DPPA2: variants seen among roughly 807,000 people sequenced by gnomAD.
The protein encoded by DPPA2 is developmental pluripotency-associated protein 2.
In DPPA2, 26 loss-of-function variants were observed where a neutral mutation model predicts 36.2. The ratio of observed to expected loss-of-function variants is 0.72; its 90% CI spans 0.53 to 1.00. The LOEUF (loss-of-function observed/expected upper bound fraction) is 1.00, where lower values mean the gene tolerates loss of function less well. DPPA2 is among the 50% of genes least tolerant of loss of function. The pLI is 0.00. For synonymous variants in DPPA2, 113 were observed against 123.2 expected (o/e 0.92, Z 0.55); for missense variants, 361 against 365.1 (o/e 0.99, Z 0.09).
intron 8 of DPPA2, 102 bp from the exon 9 acceptor site, chr3:109,294,106 A>C (rs1707310710): frequency 6.6e-6 from 1 of 152,240 alleles, no homozygotes; most frequent in African/African-American, 2.4e-5. Context: ...CAAGAGGAAA[A>C]GAAATGGAAC....
chr3:109,295,990 T>C (rs1386584492), intron 8 of DPPA2, among the ~76,000 whole-genome samples: 1 of 151,758 alleles, frequency 6.6e-6, no homozygotes, highest in Admixed American at 6.6e-5. Flanking sequence ...AATAGAAACC[T>C]CCAAAACTGA....
intron 7 of DPPA2, among the ~76,000 whole-genome samples, chr3:109,303,023 C>T (rs941442612): frequency 3.3e-5 from 5 of 152,178 alleles, no homozygotes; most frequent in African/African-American, 1.2e-4. Context: ...TGCTCCTCCA[C>T]TCCCCAAACT....
At chr3:109,314,043 T>G (rs1386543101) in intron 2 of DPPA2, among the ~76,000 whole-genome samples, 1 of 152,172 alleles carries the variant, frequency 6.6e-6, no homozygotes, top group East Asian at 1.9e-4. Flanking sequence ...GGAGTAGATA[T>G]TTCCTACTCT....
intron 8 of DPPA2, among the ~76,000 whole-genome samples, chr3:109,296,890 C>A (rs1172512078): frequency 6.6e-6 from 1 of 151,920 alleles, no homozygotes; most frequent in Non-Finnish European, 1.5e-5. Flanking sequence ...AGTTCGAGAC[C>A]AGCCTGGGCA....
intron 8 of DPPA2, among the ~76,000 whole-genome samples, chr3:109,298,673 C>A (rs958630842): frequency 6.8e-6 from 1 of 147,706 alleles, no homozygotes; most frequent in East Asian, 2.0e-4. Flanking sequence ...CTGAGATCGG[C>A]GTCACTGCAC....
chr3:109,296,867 C>A (rs1157373207), intron 8 of DPPA2, among the ~76,000 whole-genome samples: 1 of 151,984 alleles, frequency 6.6e-6, no homozygotes, highest in Non-Finnish European at 1.5e-5. Context: ...GCTGATGGAT[C>A]ACTTGAGCCA....
chr3:109,299,208 A>G (rs1321299103), intron 8 of DPPA2, among the ~76,000 whole-genome samples: 36 of 151,206 alleles, frequency 2.4e-4, no homozygotes, highest in East Asian at 3.9e-4. Context: ...ACATACCAAA[A>G]AAAAAAAAAA....
At chr3:109,311,220 A>C (rs1707703592) in intron 3 of DPPA2, among the ~76,000 whole-genome samples, 1 of 152,188 alleles carries the variant, frequency 6.6e-6, no homozygotes, top group Admixed American at 6.5e-5. Context: ...TTTATCCTCC[A>C]AAATGTCTAG....
intron 1 of DPPA2, among the ~76,000 whole-genome samples, chr3:109,315,456 A>G (rs1284360659): frequency 1.3e-5 from 2 of 152,216 alleles, no homozygotes; most frequent in Admixed American, 6.5e-5. Flanking sequence ...GTGGTGGAGT[A>G]ACGAAGGCAG....
chr3:109,295,030 C>T (rs1707327104), intron 8 of DPPA2, among the ~76,000 whole-genome samples: 1 of 151,790 alleles, frequency 6.6e-6, no homozygotes, highest in African/African-American at 2.4e-5. Flanking sequence ...TCAAAACAAA[C>T]AAAAAACCAA....
chr3:109,299,353 C>CA, intron 8 of DPPA2, among the ~76,000 whole-genome samples: 1 of 151,672 alleles, frequency 6.6e-6, no homozygotes, highest in Admixed American at 6.6e-5. Context: ...TCTACTAATA[C>CA]AAAAAAATTA....
intron 3 of DPPA2, among the ~76,000 whole-genome samples, 195 bp downstream of exon 3, chr3:109,312,346 AAATT>A (rs1324680557): frequency 9.2e-5 from 14 of 152,158 alleles, no homozygotes; most frequent in Non-Finnish European, 1.2e-4. Flanking sequence ...AAAAATAAAT[AAATT>A]AATTAAAGTA....
chr3:109,312,010 G>T (rs1707719391), intron 3 of DPPA2, among the ~76,000 whole-genome samples: 1 of 152,190 alleles, frequency 6.6e-6, no homozygotes, highest in South Asian at 2.1e-4. Flanking sequence ...AGCACTCTCT[G>T]TCCAAAGCGC....
intron 3 of DPPA2, among the ~76,000 whole-genome samples, chr3:109,309,582 T>C (rs144509364): frequency 0.012 from 1,876 of 151,368 alleles, 42 homozygotes; most frequent in African/African-American, 0.042. Flanking sequence ...CCCAGCTACT[T>C]GGGAGGCTGA....
At chr3:109,310,005 G>A (rs996128003) in intron 3 of DPPA2, among the ~76,000 whole-genome samples, 3 of 151,598 alleles carry the variant, frequency 2.0e-5, no homozygotes, top group African/African-American at 7.3e-5. Flanking sequence ...GAGGTGGGTG[G>A]ATCACCTGGG....
chr3:109,314,418 A>G (rs937509964), intron 2 of DPPA2, 92 bp downstream of exon 2: 3 of 1,316,602 alleles, frequency 2.3e-6, no homozygotes, highest in Non-Finnish European at 3.1e-6. Context: ...TCCAGGAATG[A>G]AGATTTGTGG....
chr3:109,314,105 C>T (rs1212716211), intron 2 of DPPA2, among the ~76,000 whole-genome samples: 1 of 152,004 alleles, frequency 6.6e-6, no homozygotes, highest in African/African-American at 2.4e-5. Context: ...TCCACATTAC[C>T]GCCTTCACTT....
chr3:109,311,522 C>T (rs933953213), intron 3 of DPPA2, among the ~76,000 whole-genome samples: 15 of 152,084 alleles, frequency 9.9e-5, no homozygotes, highest in African/African-American at 3.6e-4. Flanking sequence ...GGTGGATCAC[C>T]TGAGGTCAGA....
chr3:109,305,774 C>CA (rs35410330), intron 6 of DPPA2, among the ~76,000 whole-genome samples: 889 of 83,326 alleles, frequency 0.011, 10 homozygotes, highest in Admixed American at 0.015. Context: ...AACTCCATCT[C>CA]AAAAAAAAAA....
Sources: gnomAD v4.1 joint callset for allele counts (sites outside exome capture counted in the v4.1 genomes callset) on GRCh38, gnomAD v4.1.1 for gene constraint, MANE v1.5 for transcripts, NCBI Gene and HGNC (gene_info 2026-07-23, HGNC 2026-07-21) for gene names.